Variants in RB1 observed in about 807,000 individuals in gnomAD.
RB1 encodes retinoblastoma-associated protein.
A neutral mutation model predicts 135.4 loss-of-function variants in RB1; 18 were observed. That is an observed-to-expected ratio of 0.13 (90% confidence interval 0.09 to 0.20). The LOEUF is 0.20. Ranked by LOEUF, RB1 falls within the 10% of genes least tolerant of loss-of-function variation. The pLI, the probability that RB1 is intolerant of heterozygous loss-of-function variation, is 1.00. For synonymous variants in RB1, 365 were observed against 373.2 expected (o/e 0.98, Z 0.25); for missense variants, 868 against 1,110.0 (o/e 0.78, Z 3.10).
At chr13:48,318,294 T>C (rs1952203496) in intron 2 of RB1, 1 of 1,137,384 alleles carries the variant, frequency 8.8e-7, no homozygotes, top group Non-Finnish European at 1.2e-6. Flanking sequence ...GCCCAGCTGC[T>C]CCAGGAAGTG....
intron 17 of RB1, among the ~76,000 whole-genome samples, chr13:48,421,080 A>ACCACCTTCTCCTAAGCTTC (rs1948998151): frequency 1.3e-5 from 2 of 152,224 alleles, no homozygotes; most frequent in African/African-American, 2.4e-5. Context: ...AGCCAAGACA[A>ACCACCTTCTCCTAAGCTTC]TCCTAAGCAA....
intron 11 of RB1, among the ~76,000 whole-genome samples, chr13:48,372,499 A>C (rs1952769596): frequency 6.6e-6 from 1 of 152,108 alleles, no homozygotes; most frequent in East Asian, 1.9e-4. Flanking sequence ...CTCTACTAAA[A>C]ATACAAAAAT....
At chr13:48,446,747 A>G (rs1285669711) in intron 17 of RB1, among the ~76,000 whole-genome samples, 5 of 152,254 alleles carry the variant, frequency 3.3e-5, no homozygotes, top group African/African-American at 9.6e-5. Flanking sequence ...TGCCACAGTC[A>G]TGGAATAGAA....
chr13:48,379,903 T>G (rs1593455919), intron 14 of RB1, 150 bp from the exon 15 acceptor site: 1 of 776,590 alleles, frequency 1.3e-6, no homozygotes, highest in Non-Finnish European at 1.9e-6. Context: ...GAGGTTGCAG[T>G]GAGCCAAGAT....
At chr13:48,342,770 T>A (rs1952458548) in intron 3 of RB1, 56 bp downstream of exon 3, 2 of 1,232,720 alleles carry the variant, frequency 1.6e-6, no homozygotes, top group African/African-American at 1.5e-5. Flanking sequence ...GAATTCTGGA[T>A]TTTCCTCTCA....
In RB1 at chr13:48,464,958, C is replaced by CTTTTTTTTTTTTTTTTTTTTTTTT. The variant is rs553094345; in HGVS notation, c.2212-39_2212-16dup. ...AAATTCATTTAACAAGTAAATTTTA[C>CTTTTTTTTTTTTTTTTTTTTTTTT]TTTTTTTTTTTTTTTTTTTTTTTTA... On this transcript the variant is annotated intron_variant, in intron 21 of 26. Coordinates refer to ENST00000267163, the MANE Select transcript of RB1 (RefSeq NM_000321.3). 9.0e-5 allele frequency: 75 copies of CTTTTTTTTTTTTTTTTTTTTTTTT among 832,620 alleles called. 2 individuals carry two copies. Among genetic ancestry groups the CTTTTTTTTTTTTTTTTTTTTTTTT allele is most frequent in the South Asian group, 4.6e-4 (23 of 50,044 alleles). The allele number at this position is 832,620 out of a possible 1,614,324, so 51.6% of individuals were successfully genotyped here.
chr13:48,337,106 G>C (rs1006448345), intron 2 of RB1, among the ~76,000 whole-genome samples: 1 of 152,172 alleles, frequency 6.6e-6, no homozygotes, highest in African/African-American at 2.4e-5. Flanking sequence ...TTCCAACTAT[G>C]TGGTCAATTT....
chr13:48,373,367 C>T (rs376410236), intron 11 of RB1, 38 bp from the exon 12 acceptor site: 101 of 1,262,808 alleles, frequency 8.0e-5, no homozygotes, highest in Middle Eastern at 1.9e-4. Context: ...TTTCTCCCTT[C>T]ATTGCTTAAC....
chr13:48,479,918 G>T, intron 26 of RB1, 80 bp from the exon 27 acceptor site: 1 of 1,107,448 alleles, frequency 9.0e-7, no homozygotes, highest in South Asian at 1.3e-5. Context: ...AGTTTGACAT[G>T]AGCATAATAT....
rs756590822 is a variant in RB1 at position 48,362,973 on chromosome 13, G to C, written c.861+16G>C. ...TATAGATGAGGTAATTTAACTTCAT[G>C]ATTTCTTTAAAACAGTTAAAGTAGA... On this transcript the variant is annotated intron_variant, in intron 8 of 26. Coordinates refer to ENST00000267163, the MANE Select transcript of RB1 (RefSeq NM_000321.3). The C allele has an allele frequency of 6.2e-7, 1 of 1,607,946 alleles. No individual in the cohort carries two copies. Among genetic ancestry groups the C allele is most frequent in the Non-Finnish European group, 8.5e-7 (1 of 1,174,746 alleles).
At chr13:48,320,276 G>T in intron 2 of RB1, 3 of 1,193,842 alleles carry the variant, frequency 2.5e-6, no homozygotes, top group Non-Finnish European at 3.6e-6. Context: ...TGTGCAGCGC[G>T]CTCATCGGTG....
chr13:48,456,187 C>A lies in RB1; in HGVS notation c.1815-17C>A, dbSNP rs2138330897. ...TAGCCAACTTGAAATGAAGACTTTT[C>A]CTTTAAATATATCTAGGTATCTTTC... is the stretch of plus-strand genomic sequence containing the variant. On this transcript the variant is annotated splice_polypyrimidine_tract_variant and intron_variant, in intron 18 of 26. Coordinates refer to ENST00000267163, the MANE Select transcript of RB1 (RefSeq NM_000321.3). 6.2e-7 allele frequency: 1 copy of A among 1,613,512 alleles called. No homozygotes were observed. The highest frequency in any genetic ancestry group is 8.5e-7 in the Non-Finnish European group (1 of 1,179,706).
rs1039253874 is a variant in RB1, at chr13:48,309,554, T to C, written c.264+2148T>C. Among the ~76,000 whole-genome samples the C allele has an allele frequency of 2.0e-5, 3 of 152,328 alleles. No individual in the cohort carries two copies. The East Asian group carries it at 5.8e-4, about 29-fold the overall frequency. ...TATTTTAACTGACTTGGGTACCTCA[T>C]GTACAAAGCTGTTTTTGTGCATATA... is the stretch of plus-strand genomic sequence containing the variant. On this transcript the variant is annotated intron_variant, in intron 2 of 26. Transcript: ENST00000267163.
chr13:48,340,618 A>G (rs892997543), intron 2 of RB1, among the ~76,000 whole-genome samples: 27 of 151,334 alleles, frequency 1.8e-4, no homozygotes, highest in African/African-American at 6.0e-4. Flanking sequence ...TGATGAAAGG[A>G]CATATATTGA....
At chr13:48,338,250 C>T (rs1366952944) in intron 2 of RB1, among the ~76,000 whole-genome samples, 3 of 152,204 alleles carry the variant, frequency 2.0e-5, no homozygotes, top group Admixed American at 6.5e-5. Context: ...GGGAAGTTCT[C>T]CTGTATAATA....
At chr13:48,411,303 G>A in intron 17 of RB1, 2 of 1,088,342 alleles carry the variant, frequency 1.8e-6, no homozygotes, top group Non-Finnish European at 1.4e-6. Context: ...TCTTTTGGAG[G>A]TGGAAAAATA....
chr13:48,401,555 T>A (rs1204666308), intron 17 of RB1: 1 of 152,170 alleles, frequency 6.6e-6, no homozygotes, highest in African/African-American at 2.4e-5. Context: ...TTCCAACTAT[T>A]TATAGCATGT....
chr13:48,438,220 G>A (rs1949203168), intron 17 of RB1, among the ~76,000 whole-genome samples: 1 of 152,132 alleles, frequency 6.6e-6, no homozygotes, highest in Non-Finnish European at 1.5e-5. Context: ...TGTGCCAGGT[G>A]CCCTTCTAAG....
At chr13:48,453,696 A>G (rs1318852418) in intron 18 of RB1, among the ~76,000 whole-genome samples, 1 of 152,180 alleles carries the variant, frequency 6.6e-6, no homozygotes, top group Non-Finnish European at 1.5e-5. Context: ...TTCTCCAGTG[A>G]TGATTTTGAG....
Sources: gnomAD v4.1 joint callset for allele counts (sites outside exome capture counted in the v4.1 genomes callset) on GRCh38, gnomAD v4.1.1 for gene constraint, MANE v1.5 for transcripts, NCBI Gene and HGNC (gene_info 2026-07-23, HGNC 2026-07-21) for gene names.